Variants in MYRF observed in about 807,000 individuals in gnomAD.
The protein encoded by MYRF is myelin gene regulatory factor.
Under a neutral mutation model 126.3 loss-of-function variants are expected in MYRF, and 16 were observed. The ratio of observed to expected loss-of-function variants is 0.13; its 90% CI spans 0.09 to 0.19. The LOEUF (loss-of-function observed/expected upper bound fraction) is 0.19, where lower values mean the gene tolerates loss of function less well. MYRF is among the 10% of genes least tolerant of loss of function. MYRF has a pLI of 1.00. For synonymous variants in MYRF, 608 were observed against 635.3 expected (o/e 0.96, Z 0.65); for missense variants, 1,104 against 1,547.0 (o/e 0.71, Z 4.80).
In MYRF at chr11:61,776,238, C is replaced by G; in HGVS notation, c.1389-84C>G. 6.4e-7 allele frequency: 1 copy of G among 1,559,950 alleles called. No homozygotes were observed. Among genetic ancestry groups the G allele is most frequent in the Non-Finnish European group, 8.8e-7 (1 of 1,136,438 alleles). Reference sequence around the variant, plus strand: ...GTACCCAGGGTGTCCGCCTCATGTACGTTGCTGGCCTGGGTGCCCCTCAGT... The same window carrying G: ...GTACCCAGGGTGTCCGCCTCATGTAGGTTGCTGGCCTGGGTGCCCCTCAGT... On this transcript the variant is annotated intron_variant, in intron 9 of 26. Coordinates refer to ENST00000278836, the MANE Select transcript of MYRF (RefSeq NM_001127392.3). The surrounding 1 kb of genome is among the most constrained non-coding windows in gnomAD (Gnocchi z 4.3).
chr11:61,780,003 G>C (rs879462602), intron 17 of MYRF, 73 bp downstream of exon 17: 1 of 1,402,720 alleles, frequency 7.1e-7, no homozygotes, highest in Non-Finnish European at 1.0e-6. Flanking sequence ...AGCTGCCCAT[G>C]GGCTCAGGCC....
Position 61,777,150 on chromosome 11 carries a change from G to T in MYRF, c.1591-114G>T. ...GACAGTTCAAGTTGGGCTTGGTGCA[G>T]TGAGAAACCCTGGCTGGAAGGGGAG... On this transcript the variant is annotated intron_variant, in intron 11 of 26. Transcript: ENST00000278836. The surrounding 1 kb of genome is among the most constrained non-coding windows in gnomAD (Gnocchi z 8.8). 2 of 1,169,012 alleles carry T rather than the reference G, an allele frequency of 1.7e-6. No individual in the cohort carries two copies. The highest frequency in any genetic ancestry group is 2.4e-6 in the Non-Finnish European group (2 of 827,328). The allele number at this position is 1,169,012 out of a possible 1,614,324, so 72.4% of individuals were successfully genotyped here.
chr11:61,778,214 G>T lies in MYRF; in HGVS notation c.1904-166G>T, dbSNP rs1327904741. On this transcript the variant is annotated intron_variant, in intron 13 of 26. Transcript: ENST00000278836. The surrounding 1 kb of genome is among the most constrained non-coding windows in gnomAD (Gnocchi z 4.6). ...ACCTGAGCCCTGGAATTGCAATCCT[G>T]TGAACACTGGTTCGTGGGATCTCCC... Among the ~76,000 whole-genome samples the T allele has an allele frequency of 6.6e-6, 1 of 152,098 alleles. No homozygotes were observed. The highest frequency in any genetic ancestry group is 1.9e-4 in the East Asian group (1 of 5,192).
At chr11:61,771,054 C>G (rs749125797) in intron 5 of MYRF, among the ~76,000 whole-genome samples, 2 of 152,204 alleles carry the variant, frequency 1.3e-5, no homozygotes, top group African/African-American at 2.4e-5. Context: ...GAAGGAGTGC[C>G]GTGCGGAAGC....
At chr11:61,770,214 C>T in intron 4 of MYRF, 32 bp from the exon 5 acceptor site, 1 of 1,556,994 alleles carries the variant, frequency 6.4e-7, no homozygotes, top group Non-Finnish European at 8.7e-7. Flanking sequence ...TGAGGTTGGT[C>T]TCAGATGCCC....
At chr11:61,781,913 G>T (rs1457685831) in intron 22 of MYRF, 89 bp downstream of exon 22, 37 of 1,413,770 alleles carry the variant, frequency 2.6e-5, no homozygotes, top group Middle Eastern at 2.6e-4. Flanking sequence ...TGACTGTCTG[G>T]GTTCAGACTT....
At position 61,767,600 on chromosome 11, in the gene MYRF, C is replaced by A. The variant is rs1040015909; in HGVS notation, c.398+1379C>A. On this transcript the variant is annotated intron_variant, in intron 3 of 26. Coordinates refer to ENST00000278836, the MANE Select transcript of MYRF (RefSeq NM_001127392.3). Reference sequence around the variant, plus strand: ...CAGCACTTTGGAAGGCCAAGGTAGGCATATTGCTTGAGCCCAGGAGTTCAA... The same window carrying A: ...CAGCACTTTGGAAGGCCAAGGTAGGAATATTGCTTGAGCCCAGGAGTTCAA... 3 of 357,724 alleles carry A rather than the reference C, an allele frequency of 8.4e-6. 1 individual carries two copies. Among genetic ancestry groups the A allele is most frequent in the South Asian group, 6.4e-5 (3 of 47,212 alleles). The allele number at this position is 357,724 out of a possible 1,614,324, so 22.2% of individuals were successfully genotyped here.
chr11:61,771,843 A>G lies in MYRF; in HGVS notation c.1006A>G (p.Ser336Gly), dbSNP rs1381777807. The change falls in exon 7 of 27, where the codon AGT becomes GGT. Residue 336 changes from serine (S) to glycine (G), a missense_variant. Transcript: ENST00000278836. ...CCTCCCTCCAGGCCTCCTGCAGGAC[A>G]GTGACAGCCTCAGTGGCTCCTACCT... is the stretch of plus-strand genomic sequence containing the variant. ...GAPSPGLLQDSDSLSGSYLDP... is the reference protein window; with the variant it reads ...GAPSPGLLQDGDSLSGSYLDP... 1 of 1,613,988 alleles carries G rather than the reference A, an allele frequency of 6.2e-7. No individual in the cohort carries two copies. The highest frequency in any genetic ancestry group is 2.2e-5 in the East Asian group (1 of 44,884).
Position 61,769,287 on chromosome 11 carries a change from G to C in MYRF, c.426G>C (p.Ser142=). 1.2e-6 allele frequency: 2 copies of C among 1,609,214 alleles called. No homozygotes were observed. The highest frequency in any genetic ancestry group is 1.7e-4 in the Middle Eastern group (1 of 6,042). The change falls in exon 4 of 27, where the codon TCG becomes TCC. Residue 142 remains serine (S), a synonymous_variant. Transcript: ENST00000278836. ...PGTLPDSPPD[S]GSEAYSPQQV... is the part of the protein sequence containing the mutation. The stretch of plus-strand genomic sequence containing the variant: ...CACTGCCGGACTCTCCCCCAGACTC[G>C]GGCTCCGAGGCCTACTCCCCCCAGC...
chr11:61,778,348 C>A lies in MYRF; in HGVS notation c.1904-32C>A, dbSNP rs371704261. ...CTGTGAGTAGCCCTTTACCACCCCC[C>A]CACCCATCTTTGGCTTGTCCCCTGC... On this transcript the variant is annotated intron_variant, in intron 13 of 26. Transcript: ENST00000278836. The surrounding 1 kb of genome is among the most constrained non-coding windows in gnomAD (Gnocchi z 4.6). The A allele has an allele frequency of 1.4e-6, 2 of 1,432,022 alleles. No homozygotes were observed. Among genetic ancestry groups the A allele is most frequent in the African/African-American group, 1.4e-5 (1 of 71,432 alleles). 88.7% of individuals were successfully genotyped at this position (1,432,022 alleles called of 1,614,324 possible). A position where few individuals can be genotyped will look rare whatever the true frequency, so the allele number is the denominator to read the frequency against.
chr11:61,769,026 C>T (rs2066135935), intron 3 of MYRF, among the ~76,000 whole-genome samples: 2 of 152,178 alleles, frequency 1.3e-5, no homozygotes, highest in Admixed American at 6.5e-5. Flanking sequence ...CCCCCAAGTG[C>T]CCTGTAGGTC....
intron 8 of MYRF, among the ~76,000 whole-genome samples, chr11:61,775,557 C>A (rs1171209427): frequency 2.6e-5 from 4 of 152,100 alleles, no homozygotes; most frequent in African/African-American, 4.8e-5. Flanking sequence ...AGGCATGGTA[C>A]CTTGGCATGG....
chr11:61,770,424 C>T lies in MYRF; in HGVS notation c.639C>T (p.Ile213=), dbSNP rs1239914394. ...RDLYMKAEPP[I]PHYAAMGQGL... ...TGTACATGAAGGCCGAGCCCCCGAT[C>T]CCCCACTACGCTGCCATGGGGCAGG... Residue 213 remains isoleucine, a synonymous_variant, in exon 5 of 27, where the codon ATC becomes ATT. Transcript: ENST00000278836. 2 of 1,547,262 alleles carry T rather than the reference C, an allele frequency of 1.3e-6. No homozygotes were observed. The highest frequency in any genetic ancestry group is 1.7e-6 in the Non-Finnish European group (2 of 1,144,042).
chr11:61,782,081 A>G (rs2066567522), intron 22 of MYRF: 1 of 447,724 alleles, frequency 2.2e-6, no homozygotes, highest in Non-Finnish European at 3.9e-6. Context: ...ACTAAGGTGA[A>G]GTGACCTGCC....
chr11:61,766,834 C>T (rs888410983), intron 3 of MYRF: 3 of 352,848 alleles, frequency 8.5e-6, no homozygotes, highest in African/African-American at 6.4e-5. Flanking sequence ...CACATGCTCA[C>T]AGCGGGAGGC....
rs755181137 is a variant in MYRF, at chr11:61,779,937, T to C, written c.2336+7T>C. The C allele has an allele frequency of 3.1e-6, 5 of 1,611,388 alleles. No homozygotes were observed. The Admixed American group carries it at 6.7e-5, about 22-fold the overall frequency. ...TGGTGGTCATGGCCTTCAGGTGACT[T>C]GTCCCCTGGGCTCTCATGGTGGCTG... On this transcript the variant is annotated splice_region_variant and intron_variant, in intron 17 of 26. Transcript: ENST00000278836.
rs1481840955 is a variant in MYRF, at chr11:61,780,941, G to C, written c.2487-19G>C. ...AGCTCTCCCAGCCCCTCTGAGCTCAGCCCATCCTTCCCCAGCAGGTCCAGC... is the reference window on the plus strand; with the variant it reads ...AGCTCTCCCAGCCCCTCTGAGCTCACCCCATCCTTCCCCAGCAGGTCCAGC... On this transcript the variant is annotated intron_variant, in intron 19 of 26. Coordinates refer to ENST00000278836, the MANE Select transcript of MYRF (RefSeq NM_001127392.3). The C allele has an allele frequency of 6.2e-7, 1 of 1,608,716 alleles. No homozygotes were observed. The highest frequency in any genetic ancestry group is 8.5e-7 in the Non-Finnish European group (1 of 1,179,824).
intron 2 of MYRF, 27 bp from the exon 3 acceptor site, chr11:61,765,931 G>C: frequency 3.4e-6 from 5 of 1,479,058 alleles, no homozygotes; most frequent in Non-Finnish European, 4.5e-6. Flanking sequence ...GTCCTGGCTG[G>C]AGCTGAGCCG....
chr11:61,770,695 C>T (rs997104461), intron 5 of MYRF, among the ~76,000 whole-genome samples, 170 bp downstream of exon 5: 3 of 152,172 alleles, frequency 2.0e-5, no homozygotes, highest in African/African-American at 4.8e-5. Flanking sequence ...GTTTACCCAG[C>T]AATACCTTGA....
Sources: gnomAD v4.1 joint callset for allele counts (sites outside exome capture counted in the v4.1 genomes callset) on GRCh38, gnomAD v4.1.1 for gene constraint, Gnocchi (gnomAD v3.1) non-coding constraint, MANE v1.5 for transcripts, NCBI Gene and HGNC (gene_info 2026-07-23, HGNC 2026-07-21) for gene names.